The following HFM1 variants were observed in gnomAD, a reference collection of about 807,000 sequenced individuals.
The protein encoded by HFM1 is probable ATP-dependent DNA helicase HFM1.
A neutral mutation model predicts 192.1 loss-of-function variants in HFM1; 169 were observed. The observed-to-expected ratio is 0.88, with a 90% CI of 0.78 to 1.00. The LOEUF is 1.00. Among genes scored for constraint, HFM1 ranks in the 50% least tolerant of loss-of-function variants. HFM1 has a pLI of 0.00. For missense variants in HFM1, 1,661 were observed against 1,668.0 expected (o/e 1.00, Z 0.07); for synonymous variants, 525 against 537.8 (o/e 0.98, Z 0.33).
chr1:91,269,817 T>TA (rs1250256199), intron 34 of HFM1, among the ~76,000 whole-genome samples: 1 of 152,084 alleles, frequency 6.6e-6, no homozygotes, highest in African/African-American at 2.4e-5. Context: ...GAACCTATGC[T>TA]ATGAAGGGAG....
chr1:91,296,583 G>T (rs1647620671), intron 30 of HFM1, among the ~76,000 whole-genome samples: 1 of 152,066 alleles, frequency 6.6e-6, no homozygotes, highest in Non-Finnish European at 1.5e-5. Flanking sequence ...TGCTGAAATT[G>T]GGATGACACT....
chr1:91,347,535 C>T (rs1031541091), intron 18 of HFM1, 59 bp from the exon 19 acceptor site: 71 of 1,060,190 alleles, frequency 6.7e-5, no homozygotes, highest in Admixed American at 1.1e-4. Context: ...TCAGTTTATA[C>T]CCCAGTTAAC....
intron 19 of HFM1, among the ~76,000 whole-genome samples, chr1:91,346,342 T>C (rs1436207877): frequency 6.6e-6 from 1 of 152,170 alleles, no homozygotes; most frequent in Non-Finnish European, 1.5e-5. Context: ...ATTTTCAAAA[T>C]ATATGTTTAA....
In HFM1 at chr1:91,394,262, C is replaced by A. The variant is rs767828285; in HGVS notation, c.325G>T (p.Val109Leu). 4.4e-6 allele frequency: 7 copies of A among 1,597,392 alleles called. No individual in the cohort carries two copies. Among genetic ancestry groups the A allele is most frequent in the Admixed American group, 1.7e-5 (1 of 59,942 alleles). The change falls in exon 4 of 39, where the codon GTA becomes TTA. Residue 109 changes from valine to leucine, a missense_variant. Physicochemically the swap from Val to Leu is conservative, Grantham distance 32. Transcript: ENST00000370425. ...YEQDDLNLEGVGNNDLSHIAG... is the reference protein window; with the variant it reads ...YEQDDLNLEGLGNNDLSHIAG... ...ATATGTGATAAGTCATTATTACCTA[C>A]CCCTTCTAAATTTAGATCATCCTGT...
chr1:91,305,732 TA>T (rs1649504927), intron 30 of HFM1, among the ~76,000 whole-genome samples: 1 of 151,962 alleles, frequency 6.6e-6, no homozygotes, highest in Non-Finnish European at 1.5e-5. Flanking sequence ...CACACCTGGC[TA>T]CTTTTTTCTA....
intron 30 of HFM1, among the ~76,000 whole-genome samples, chr1:91,287,867 C>T (rs531520179): frequency 6.6e-6 from 1 of 152,022 alleles, no homozygotes; most frequent in African/African-American, 2.4e-5. Flanking sequence ...GTGAAGAATG[C>T]AGAAGCCTCA....
At chr1:91,264,358 A>ATTTTTTTTTTTTTTTTTTTTT (rs1665470689) in intron 36 of HFM1, among the ~76,000 whole-genome samples, 1 of 72,088 alleles carries the variant, frequency 1.4e-5, no homozygotes, top group African/African-American at 6.1e-5. Flanking sequence ...CCACAAATTT[A>ATTTTTTTTTTTTTTTTTTTTT]GTATTTTTTT....
At chr1:91,354,780 G>A (rs1252977574) in intron 13 of HFM1, among the ~76,000 whole-genome samples, 3 of 152,058 alleles carry the variant, frequency 2.0e-5, no homozygotes, top group Non-Finnish European at 4.4e-5. Flanking sequence ...TAAAGTCTCA[G>A]CCAGATAAAT....
At chr1:91,396,016 T>C (rs1571236702) in intron 3 of HFM1, among the ~76,000 whole-genome samples, 1 of 152,042 alleles carries the variant, frequency 6.6e-6, no homozygotes, top group East Asian at 1.9e-4. Context: ...GCCTAGCTAG[T>C]TTTTTTGTAT....
At chr1:91,406,557 T>A (rs1239564071), upstream of HFM1, among the ~76,000 whole-genome samples, 1 of 152,110 alleles carries the variant, frequency 6.6e-6, no homozygotes, top group Non-Finnish European at 1.5e-5. Context: ...AAAAATCCCA[T>A]TTTGGGGGGA....
chr1:91,360,580 C>T (rs1658361028), intron 13 of HFM1, among the ~76,000 whole-genome samples: 1 of 152,150 alleles, frequency 6.6e-6, no homozygotes, highest in Non-Finnish European at 1.5e-5. Flanking sequence ...GACTCAGACT[C>T]CCAGACAATA....
intron 13 of HFM1, among the ~76,000 whole-genome samples, chr1:91,370,327 T>A (rs199602862): frequency 6.6e-6 from 1 of 152,150 alleles, no homozygotes; most frequent in African/African-American, 2.4e-5. Context: ...TGAACATCGA[T>A]GCAAAAATCC....
intron 1 of HFM1, among the ~76,000 whole-genome samples, chr1:91,404,415 G>A (rs1362727205): frequency 3.3e-5 from 5 of 152,190 alleles, no homozygotes; most frequent in Admixed American, 6.5e-5. Context: ...TCAGACAGAT[G>A]GGTACGTCCC....
At chr1:91,281,146 A>G (rs983365283) in intron 30 of HFM1, among the ~76,000 whole-genome samples, 1 of 152,230 alleles carries the variant, frequency 6.6e-6, no homozygotes. Context: ...AACCAGTACA[A>G]GTCTAAGCAG....
At chr1:91,265,331 A>C (rs1665654733) in intron 36 of HFM1, among the ~76,000 whole-genome samples, 1 of 152,196 alleles carries the variant, frequency 6.6e-6, no homozygotes, top group Non-Finnish European at 1.5e-5. Flanking sequence ...AAAAATAATA[A>C]GATATCACAT....
intron 30 of HFM1, among the ~76,000 whole-genome samples, chr1:91,294,359 T>C (rs930603894): frequency 2.0e-5 from 3 of 152,220 alleles, no homozygotes; most frequent in African/African-American, 7.2e-5. Flanking sequence ...TTGCAATTTA[T>C]ATACATGGAC....
At chr1:91,280,695 G>A (rs1177431702) in intron 30 of HFM1, among the ~76,000 whole-genome samples, 3 of 152,132 alleles carry the variant, frequency 2.0e-5, no homozygotes, top group African/African-American at 7.2e-5. Flanking sequence ...AGATAAAACT[G>A]CTTAGCTGAA....
At chr1:91,366,443 G>C (rs1380105647) in intron 13 of HFM1, among the ~76,000 whole-genome samples, 5 of 152,124 alleles carry the variant, frequency 3.3e-5, no homozygotes, top group Admixed American at 3.3e-4. Context: ...GAACCAACTT[G>C]ATCATCTAGT....
In HFM1 at chr1:91,323,079, T is replaced by G. The variant is rs1204312859; in HGVS notation, c.2534+14A>C. 7.0e-7 allele frequency: 1 copy of G among 1,422,480 alleles called. No individual in the cohort carries two copies. Among genetic ancestry groups the G allele is most frequent in the Non-Finnish European group, 9.7e-7 (1 of 1,033,986 alleles). The allele number at this position is 1,422,480 out of a possible 1,614,324, so 88.1% of individuals were successfully genotyped here. On this transcript the variant is annotated intron_variant, in intron 22 of 38. Coordinates refer to ENST00000370425, the MANE Select transcript of HFM1 (RefSeq NM_001017975.6). ...ACCTCTTAAAATTATTTAAAACATA[T>G]GTAATTTCTGTACCTGATAGTTATC...
Sources: gnomAD v4.1 joint callset for allele counts (sites outside exome capture counted in the v4.1 genomes callset) on GRCh38, gnomAD v4.1.1 for gene constraint, MANE v1.5 for transcripts, NCBI Gene and HGNC (gene_info 2026-07-23, HGNC 2026-07-21) for gene names.